The following ZNF704 variants were observed in gnomAD, a reference collection of about 807,000 sequenced individuals.
The protein encoded by ZNF704 is glucocorticoid induced gene 1.
A neutral mutation model predicts 44.7 loss-of-function variants in ZNF704; 10 were observed. That is an observed-to-expected ratio of 0.22 (90% CI 0.14 to 0.38). The LOEUF is 0.38. Among genes scored for constraint, ZNF704 ranks in the 10% least tolerant of loss-of-function variants. The probability of loss-of-function intolerance (pLI) is 1.00; values close to 1 mark genes in which losing one functional copy is unlikely to be tolerated. For missense variants in ZNF704, 390 were observed against 545.5 expected, an observed-to-expected ratio of 0.71 and a Z score of 2.84; for synonymous variants, 211 against 207.6, an observed-to-expected ratio of 1.02 and a Z score of -0.14.
chr8:80,849,434 G>C (rs73264437), intron 1 of ZNF704, among the ~76,000 whole-genome samples: 14 of 152,098 alleles, frequency 9.2e-5, no homozygotes, highest in African/African-American at 2.7e-4. Flanking sequence ...AGAAAGTACA[G>C]GTCCTTTTCT....
At chr8:80,819,281 A>G (rs1327276639) in intron 2 of ZNF704, among the ~76,000 whole-genome samples, 1 of 152,166 alleles carries the variant, frequency 6.6e-6, no homozygotes, top group Non-Finnish European at 1.5e-5. Flanking sequence ...TAAAAGGTGG[A>G]AAATATCCTA....
chr8:80,812,481 G>A (rs1482283323), intron 2 of ZNF704: 4 of 151,018 alleles, frequency 2.6e-5, no homozygotes, highest in Non-Finnish European at 5.9e-5. Context: ...AGAAAACTCT[G>A]AGAAGTTGAT....
In ZNF704 at chr8:80,631,932, G is replaced by A. The variant is rs974696752; in HGVS notation, c.*9434C>T. On this transcript the variant is annotated 3_prime_UTR_variant, in exon 9 of 9. Coordinates refer to ENST00000327835, the MANE Select transcript of ZNF704 (RefSeq NM_001033723.3). Reference sequence around the variant, plus strand: ...ACAAGAATGTCCCATCAGGGGCTTTGGAACTGAAAAAACATTAACAACAGC... The same window carrying A: ...ACAAGAATGTCCCATCAGGGGCTTTAGAACTGAAAAAACATTAACAACAGC... 2 of 152,172 alleles carry A rather than the reference G, an allele frequency of 1.3e-5. No individual in the cohort carries two copies. Among genetic ancestry groups the A allele is most frequent in the Non-Finnish European group, 2.9e-5 (2 of 68,056 alleles). 9.4% of individuals were successfully genotyped at this position (152,172 alleles called of 1,614,324 possible). A position where few individuals can be genotyped will look rare whatever the true frequency, so the allele number is the denominator to read the frequency against.
At chr8:80,822,891 G>A (rs1808302574) in intron 1 of ZNF704, among the ~76,000 whole-genome samples, 1 of 152,186 alleles carries the variant, frequency 6.6e-6, no homozygotes, top group African/African-American at 2.4e-5. Flanking sequence ...TTTTGATGGG[G>A]TTGTTTGATG....
intron 2 of ZNF704, among the ~76,000 whole-genome samples, chr8:80,705,455 C>G (rs943811013): frequency 4.7e-5 from 7 of 150,332 alleles, no homozygotes; most frequent in African/African-American, 1.7e-4. Context: ...GGGTGTGTGT[C>G]TCTCTCTGTG....
intron 2 of ZNF704, among the ~76,000 whole-genome samples, chr8:80,786,136 A>C (rs945913642): frequency 6.6e-6 from 1 of 152,052 alleles, no homozygotes; most frequent in African/African-American, 2.4e-5. Context: ...GGTGACATAC[A>C]CCTGTAGTTC....
At chr8:80,782,602 G>A (rs955525502) in intron 2 of ZNF704, among the ~76,000 whole-genome samples, 7 of 152,118 alleles carry the variant, frequency 4.6e-5, no homozygotes, top group Non-Finnish European at 1.0e-4. Context: ...TAAAAGGAAC[G>A]TTAATATACA....
At chr8:80,730,983 C>G (rs902151876) in intron 2 of ZNF704, among the ~76,000 whole-genome samples, 1 of 152,148 alleles carries the variant, frequency 6.6e-6, no homozygotes, top group Non-Finnish European at 1.5e-5. Context: ...AAAAAGTTCA[C>G]TGGAGAATAC....
chr8:80,800,309 A>T lies in ZNF704; in HGVS notation c.221+21065T>A, dbSNP rs577297818. On this transcript the variant is annotated intron_variant, in intron 2 of 8. Coordinates refer to ENST00000327835, the MANE Select transcript of ZNF704 (RefSeq NM_001033723.3). ...GACAGGCCAACATTCAAATTCAGGA[A>T]ATGCAGAGAACCCCAGTAAGATAAT... Among the ~76,000 whole-genome samples the T allele has an allele frequency of 2.6e-5, 4 of 152,284 alleles. No individual in the cohort carries two copies. The South Asian group carries it at 6.2e-4, about 24-fold the overall frequency.
At chr8:80,672,981 A>G (rs1223267555) in intron 4 of ZNF704, among the ~76,000 whole-genome samples, 5 of 152,216 alleles carry the variant, frequency 3.3e-5, no homozygotes, top group African/African-American at 1.2e-4. Context: ...TAACGTAGTA[A>G]ATAACAATAC....
At position 80,635,460 on chromosome 8, in the gene ZNF704, T is replaced by C. The variant is rs1817651270; in HGVS notation, c.*5906A>G. 1 of 152,184 alleles carries C rather than the reference T, an allele frequency of 6.6e-6. No homozygotes were observed. The highest frequency in any genetic ancestry group is 2.4e-5 in the African/African-American group (1 of 41,442). The allele number at this position is 152,184 out of a possible 1,614,324, so 9.4% of individuals were successfully genotyped here. On this transcript the variant is annotated 3_prime_UTR_variant, in exon 9 of 9. Coordinates refer to ENST00000327835, the MANE Select transcript of ZNF704 (RefSeq NM_001033723.3). ...GAAGCACTTGTTCTTATGTAGAAATTACAGTTATATAGTTAGTGCTGAGGA... is the reference window on the plus strand; with the variant it reads ...GAAGCACTTGTTCTTATGTAGAAATCACAGTTATATAGTTAGTGCTGAGGA...
chr8:80,652,644 A>G (rs986326739), intron 7 of ZNF704, among the ~76,000 whole-genome samples: 9 of 152,228 alleles, frequency 5.9e-5, no homozygotes, highest in Non-Finnish European at 1.5e-5. Flanking sequence ...TGAATAGACC[A>G]ATAATAGGCT....
At chr8:80,786,403 C>A (rs1427399418) in intron 2 of ZNF704, among the ~76,000 whole-genome samples, 4 of 152,184 alleles carry the variant, frequency 2.6e-5, no homozygotes, top group South Asian at 2.1e-4. Context: ...TTTACTTGAA[C>A]AATTTTCTGC....
chr8:80,693,990 G>C (rs946402107), intron 2 of ZNF704, among the ~76,000 whole-genome samples: 5 of 152,252 alleles, frequency 3.3e-5, no homozygotes, highest in Admixed American at 2.6e-4. Flanking sequence ...CTTGGACTAG[G>C]GTGGGGACAG....
intron 4 of ZNF704, among the ~76,000 whole-genome samples, chr8:80,679,877 A>T (rs1396935188): frequency 6.6e-6 from 1 of 152,196 alleles, no homozygotes; most frequent in Non-Finnish European, 1.5e-5. Context: ...ACTCTTTAGA[A>T]TTTCTCAACA....
At chr8:80,783,682 C>T (rs192152043) in intron 2 of ZNF704, among the ~76,000 whole-genome samples, 1 of 152,100 alleles carries the variant, frequency 6.6e-6, no homozygotes, top group Non-Finnish European at 1.5e-5. Flanking sequence ...ACCTGTACAA[C>T]CTTTCCCACT....
intron 1 of ZNF704, among the ~76,000 whole-genome samples, chr8:80,855,510 G>C (rs899717771): frequency 6.6e-6 from 1 of 152,104 alleles, no homozygotes; most frequent in Non-Finnish European, 1.5e-5. Flanking sequence ...AAGTGAAACA[G>C]GTCAGATACA....
At chr8:80,817,157 C>G (rs1808189377) in intron 2 of ZNF704, among the ~76,000 whole-genome samples, 1 of 152,140 alleles carries the variant, frequency 6.6e-6, no homozygotes, top group African/African-American at 2.4e-5. Flanking sequence ...GGAGACTGGC[C>G]CCTGTCTCAA....
At chr8:80,865,027 C>T (rs1055825310) in intron 1 of ZNF704, among the ~76,000 whole-genome samples, 3 of 152,130 alleles carry the variant, frequency 2.0e-5, no homozygotes, top group Non-Finnish European at 4.4e-5. Flanking sequence ...AAGCTCACCA[C>T]ATATTATGAC....
Sources: allele counts gnomAD v4.1 joint callset (sites outside exome capture counted in the v4.1 genomes callset), GRCh38; gene constraint gnomAD v4.1.1; transcripts MANE v1.5; gene names NCBI Gene and HGNC (gene_info 2026-07-23, HGNC 2026-07-21).